The following PLD5 variants were observed in gnomAD, a reference collection of about 807,000 sequenced individuals.
PLD5 encodes the protein inactive phospholipase D5.
PLD5 carries 36 observed loss-of-function variants against 61.1 expected under a neutral mutation model. The observed-to-expected ratio is 0.59, with a 90% CI of 0.45 to 0.78. PLD5 has a LOEUF of 0.78. Among genes scored for constraint, PLD5 ranks in the 30% least tolerant of loss-of-function variants. The pLI, the probability that PLD5 is intolerant of heterozygous loss-of-function variation, is 0.00. For synonymous variants in PLD5, 243 were observed against 242.8 expected, an observed-to-expected ratio of 1.00 and a Z score of -0.01; for missense variants, 515 against 644.4, an observed-to-expected ratio of 0.80 and a Z score of 2.17.
intron 1 of PLD5, among the ~76,000 whole-genome samples, chr1:242,395,274 T>C (rs1663504723): frequency 6.6e-6 from 1 of 152,042 alleles, no homozygotes; most frequent in South Asian, 2.1e-4. Flanking sequence ...GACACTTAGG[T>C]ACTACGCCTT....
intron 1 of PLD5, among the ~76,000 whole-genome samples, chr1:242,442,346 T>C (rs577264976): frequency 6.6e-6 from 1 of 152,320 alleles, no homozygotes; most frequent in African/African-American, 2.4e-5. Context: ...CCACTGCTAG[T>C]AGTGTGGTGA....
chr1:242,530,298 T>G, the PLD5 span, among the ~76,000 whole-genome samples: 4 of 152,250 alleles, frequency 2.6e-5, no homozygotes, highest in African/African-American at 9.6e-5. Flanking sequence ...CCTAATTGAA[T>G]CTGTCAAGAT....
intron 4 of PLD5, among the ~76,000 whole-genome samples, chr1:242,262,333 T>C (rs1186607193): frequency 6.6e-6 from 1 of 152,228 alleles, no homozygotes; most frequent in East Asian, 1.9e-4. Flanking sequence ...GAGAAGGCTT[T>C]CTGAGATGTC....
At chr1:242,101,116 G>A (rs1432707285) in intron 8 of PLD5, among the ~76,000 whole-genome samples, 1 of 152,202 alleles carries the variant, frequency 6.6e-6, no homozygotes, top group African/African-American at 2.4e-5. Flanking sequence ...TTTGAAGCAT[G>A]CCTCAGGGTG....
intron 4 of PLD5, among the ~76,000 whole-genome samples, chr1:242,241,910 T>TATATATATATATATACAC: frequency 2.0e-5 from 1 of 50,402 alleles, no homozygotes; most frequent in Non-Finnish European, 3.7e-5. Flanking sequence ...TATATATATA[T>TATATATATATATATACAC]ACTTACTGTA....
At chr1:242,342,272 C>T (rs1279342336) in intron 2 of PLD5, among the ~76,000 whole-genome samples, 3 of 152,064 alleles carry the variant, frequency 2.0e-5, no homozygotes, top group Admixed American at 1.3e-4. Flanking sequence ...AAATGACTGA[C>T]GTAGGATAGC....
intron 9 of PLD5, among the ~76,000 whole-genome samples, chr1:242,093,809 G>C (rs1660024213): frequency 1.3e-5 from 2 of 152,000 alleles, no homozygotes; most frequent in Admixed American, 6.6e-5. Flanking sequence ...TGCTTCGGGG[G>C]CAGCCTGGGG....
intron 1 of PLD5, among the ~76,000 whole-genome samples, chr1:242,454,674 C>T (rs1291459156): frequency 1.3e-5 from 2 of 152,088 alleles, no homozygotes; most frequent in Non-Finnish European, 2.9e-5. Context: ...TGAAAAGTGG[C>T]TGTAATAGAA....
chr1:242,493,190 T>C (rs1668225487), intron 1 of PLD5, among the ~76,000 whole-genome samples: 1 of 152,172 alleles, frequency 6.6e-6, no homozygotes, highest in South Asian at 2.1e-4. Flanking sequence ...ACTTGCCAAT[T>C]ACCCTTCCTG....
chr1:242,117,327 A>G (rs754768032), intron 6 of PLD5, among the ~76,000 whole-genome samples: 2 of 151,276 alleles, frequency 1.3e-5, no homozygotes, highest in Non-Finnish European at 2.9e-5. Context: ...ATTTTTGTCT[A>G]TCAAAGTCCT....
At chr1:242,526,481 G>T (rs764216152), upstream of PLD5, among the ~76,000 whole-genome samples, 11 of 152,192 alleles carry the variant, frequency 7.2e-5, no homozygotes, top group Non-Finnish European at 1.0e-4. Context: ...CTGTCACCAG[G>T]CTGGAGTGCA....
rs776373006 is a variant in PLD5, at chr1:242,378,866, G to A, written c.190-30624C>T. ...ATAAAAATAAAACAATAAAAAATACGTTAAAAAAAAGAGAGAGAAGAAAAA... is the reference window on the plus strand; with the variant it reads ...ATAAAAATAAAACAATAAAAAATACATTAAAAAAAAGAGAGAGAAGAAAAA... On this transcript the variant is annotated intron_variant, in intron 1 of 9. Coordinates refer to ENST00000536534, the MANE Select transcript of PLD5 (RefSeq NM_001372062.1). Among the ~76,000 whole-genome samples, 11 of 151,622 alleles carry A rather than the reference G, an allele frequency of 7.3e-5. No individual in the cohort carries two copies. In the South Asian group the frequency reaches 1.0e-3, roughly 14 times the overall value.
chr1:242,193,360 A>G (rs933693732), intron 5 of PLD5, among the ~76,000 whole-genome samples: 1 of 152,182 alleles, frequency 6.6e-6, no homozygotes, highest in Non-Finnish European at 1.5e-5. Flanking sequence ...GAATTCAGGG[A>G]GGATTTTCTT....
At chr1:242,149,188 T>G (rs1425033202) in intron 5 of PLD5, among the ~76,000 whole-genome samples, 2 of 151,908 alleles carry the variant, frequency 1.3e-5, no homozygotes, top group Admixed American at 6.6e-5. Flanking sequence ...TAACTCTAGT[T>G]TTCTGAGAAT....
intron 4 of PLD5, among the ~76,000 whole-genome samples, chr1:242,226,515 T>G (rs756060307): frequency 3.9e-5 from 6 of 152,220 alleles, no homozygotes; most frequent in Non-Finnish European, 8.8e-5. Context: ...ATAAAATACT[T>G]TCATGCTATC....
intron 4 of PLD5, among the ~76,000 whole-genome samples, chr1:242,234,561 A>T (rs1671515403): frequency 6.6e-6 from 1 of 152,150 alleles, no homozygotes; most frequent in Non-Finnish European, 1.5e-5. Context: ...CTGGGGAGGC[A>T]GACGATGGAG....
intron 5 of PLD5, among the ~76,000 whole-genome samples, chr1:242,212,954 C>T (rs1287122384): frequency 1.3e-5 from 2 of 152,126 alleles, no homozygotes; most frequent in East Asian, 3.9e-4. Flanking sequence ...AGATAAAGAG[C>T]AATTAAAAGC....
At chr1:242,347,965 GGA>G in intron 2 of PLD5, 139 bp downstream of exon 2, 1 of 940,228 alleles carries the variant, frequency 1.1e-6, no homozygotes, top group Non-Finnish European at 1.6e-6. Context: ...GAGTACTAGT[GGA>G]CAGACTCACA....
chr1:242,240,820 C>T (rs1020442384), intron 4 of PLD5, among the ~76,000 whole-genome samples: 2 of 152,118 alleles, frequency 1.3e-5, no homozygotes, highest in Non-Finnish European at 2.9e-5. Context: ...GTTAATATGG[C>T]TCTACCCTCT....
Sources: gnomAD v4.1 joint callset for allele counts (sites outside exome capture counted in the v4.1 genomes callset) on GRCh38, gnomAD v4.1.1 for gene constraint, MANE v1.5 for transcripts, NCBI Gene and HGNC (gene_info 2026-07-23, HGNC 2026-07-21) for gene names.